SOX5: variants seen among roughly 807,000 people sequenced by gnomAD.
SOX5 encodes the protein transcription factor SOX-5.
A neutral mutation model predicts 92.0 loss-of-function variants in SOX5; 9 were observed. That is an observed-to-expected ratio of 0.10 (90% CI 0.06 to 0.17). The LOEUF (loss-of-function observed/expected upper bound fraction) is 0.17. Among genes scored for constraint, SOX5 ranks in the 10% least tolerant of loss-of-function variants. SOX5 has a pLI of 1.00. For missense variants in SOX5, 642 were observed against 944.5 expected, an observed-to-expected ratio of 0.68 and a Z score of 4.20; for synonymous variants, 344 against 336.3, an observed-to-expected ratio of 1.02 and a Z score of -0.25.
intron 1 of SOX5, among the ~76,000 whole-genome samples, chr12:23,898,153 C>G (rs1253680145): frequency 6.6e-6 from 1 of 152,136 alleles, no homozygotes. Flanking sequence ...AGTTTGTGGA[C>G]AGAACAGGCT....
chr12:23,998,406 A>C (rs1434492001), intron 4 of SOX5, among the ~76,000 whole-genome samples: 1 of 152,144 alleles, frequency 6.6e-6, no homozygotes, highest in African/African-American at 2.4e-5. Context: ...TAGAAGAAAA[A>C]AGAATGATAA....
intron 4 of SOX5, among the ~76,000 whole-genome samples, chr12:23,971,578 T>G (rs1166015074): frequency 6.6e-6 from 1 of 151,052 alleles, no homozygotes; most frequent in Non-Finnish European, 1.5e-5. Context: ...ATATCATTGA[T>G]TCACAGAAGG....
chr12:24,013,008 G>A (rs1206713624), intron 4 of SOX5, among the ~76,000 whole-genome samples: 2 of 152,054 alleles, frequency 1.3e-5, no homozygotes, highest in South Asian at 2.1e-4. Flanking sequence ...TACATTTGTG[G>A]TTCAAAAATT....
At chr12:24,375,786 T>C (rs1182844061) in intron 1 of SOX5, among the ~76,000 whole-genome samples, 1 of 152,126 alleles carries the variant, frequency 6.6e-6, no homozygotes, top group African/African-American at 2.4e-5. Context: ...AGCTCTATTT[T>C]TCTTTGTATA....
rs186682781 is a variant in SOX5 at position 24,067,324 on chromosome 12, C to T, written c.-2+146019G>A. On this transcript the variant is annotated intron_variant, in intron 4 of 4. Coordinates refer to the SOX5 transcript ENST00000446891. ...AAAGCAGTCCCAAGGCTCAGCAAAA[C>T]GTAATATAGTCAAAACAACCATGAA... 1.5e-3 allele frequency among the ~76,000 whole-genome samples: 221 copies of T among 152,258 alleles called. No individual in the cohort carries two copies. In the South Asian group the frequency reaches 0.02, roughly 14 times the overall value.
At chr12:24,521,140 C>T (rs772990215) in intron 1 of SOX5, among the ~76,000 whole-genome samples, 9 of 152,220 alleles carry the variant, frequency 5.9e-5, no homozygotes, top group Middle Eastern at 3.4e-3. Context: ...CTGCAACCTC[C>T]GCCTCCCGGG....
At chr12:24,075,643 G>GA (rs1320567843) in intron 4 of SOX5, among the ~76,000 whole-genome samples, 1 of 151,906 alleles carries the variant, frequency 6.6e-6, no homozygotes, top group Non-Finnish European at 1.5e-5. Context: ...AAACATGTTT[G>GA]AACCATTTTT....
At chr12:24,426,793 G>A (rs1966823284) in intron 1 of SOX5, among the ~76,000 whole-genome samples, 1 of 152,100 alleles carries the variant, frequency 6.6e-6, no homozygotes, top group African/African-American at 2.4e-5. Flanking sequence ...CTAAGTCTCG[G>A]GGAATCTTCT....
At chr12:23,942,621 T>A (rs1943868548) in intron 1 of SOX5, among the ~76,000 whole-genome samples, 1 of 150,818 alleles carries the variant, frequency 6.6e-6, no homozygotes, top group African/African-American at 2.4e-5. Context: ...CTAACTCCCT[T>A]AAACTGCCAA....
intron 1 of SOX5, among the ~76,000 whole-genome samples, chr12:23,925,530 A>G (rs1192466635): frequency 4.6e-5 from 7 of 152,102 alleles, no homozygotes; most frequent in African/African-American, 1.7e-4. Flanking sequence ...TCACAAGGTC[A>G]AGTTAAATAT....
At chr12:24,226,918 A>G (rs115571060) in intron 3 of SOX5, among the ~76,000 whole-genome samples, 387 of 152,334 alleles carry the variant, frequency 2.5e-3, no homozygotes, top group African/African-American at 8.9e-3. Flanking sequence ...GTCTGACACA[A>G]GAGCTTGGGG....
intron 8 of SOX5, among the ~76,000 whole-genome samples, chr12:23,639,270 G>C (rs1447905969): frequency 6.6e-6 from 1 of 152,100 alleles, no homozygotes; most frequent in Admixed American, 6.6e-5. Flanking sequence ...TTCTCCCACT[G>C]TCTCTACAGG....
intron 10 of SOX5, among the ~76,000 whole-genome samples, chr12:23,574,113 A>C (rs1948771904): frequency 6.6e-6 from 1 of 151,836 alleles, no homozygotes; most frequent in Non-Finnish European, 1.5e-5. Context: ...AGTTATCTAT[A>C]TTATAGTATT....
chr12:24,088,477 A>C (rs1379509320), intron 4 of SOX5, among the ~76,000 whole-genome samples: 1 of 152,066 alleles, frequency 6.6e-6, no homozygotes, highest in Admixed American at 6.6e-5. Context: ...TCAATCAATA[A>C]AAGATAATAA....
intron 4 of SOX5, among the ~76,000 whole-genome samples, chr12:24,150,046 T>A (rs972354901): frequency 1.3e-5 from 2 of 152,174 alleles, no homozygotes; most frequent in African/African-American, 4.8e-5. Context: ...GAAGGGTATG[T>A]TCACTATTTT....
chr12:24,065,645 C>CAAAAAAAAAAAAAAAAAAAAAAAA (rs71445983), intron 4 of SOX5, among the ~76,000 whole-genome samples: 13 of 81,594 alleles, frequency 1.6e-4, no homozygotes, highest in African/African-American at 2.2e-4. Flanking sequence ...GACTCCATCT[C>CAAAAAAAAAAAAAAAAAAAAAAAA]AAAAAAAAAA....
chr12:24,262,752 T>C (rs1035344233), intron 3 of SOX5, among the ~76,000 whole-genome samples: 5 of 152,218 alleles, frequency 3.3e-5, no homozygotes, highest in African/African-American at 7.2e-5. Flanking sequence ...AGGTCCCATT[T>C]TCCTTATTCT....
At chr12:23,617,836 G>A (rs1469453656) in intron 8 of SOX5, among the ~76,000 whole-genome samples, 2 of 152,066 alleles carry the variant, frequency 1.3e-5, no homozygotes, top group Non-Finnish European at 2.9e-5. Context: ...TAAAGAACCA[G>A]ATATATTTTG....
At chr12:23,978,580 A>C (rs1949174196) in intron 4 of SOX5, among the ~76,000 whole-genome samples, 1 of 152,182 alleles carries the variant, frequency 6.6e-6, no homozygotes, top group African/African-American at 2.4e-5. Flanking sequence ...GGTAGAAATA[A>C]TGTGAAATAT....
Sources: allele counts gnomAD v4.1 joint callset (sites outside exome capture counted in the v4.1 genomes callset), GRCh38; gene constraint gnomAD v4.1.1; transcripts MANE v1.5; gene names NCBI Gene and HGNC (gene_info 2026-07-23, HGNC 2026-07-21).